The following ZWILCH variants were observed in gnomAD, a reference collection of about 807,000 sequenced individuals.
ZWILCH encodes the protein protein zwilch homolog.
A neutral mutation model predicts 79.9 loss-of-function variants in ZWILCH; 74 were observed. That is an observed-to-expected ratio of 0.93 (90% confidence interval 0.77 to 1.12). ZWILCH has a LOEUF of 1.12. ZWILCH is among the 50% of genes most tolerant of loss of function. The pLI is 0.00. For missense variants in ZWILCH, 694 were observed against 687.5 expected, an observed-to-expected ratio of 1.01 and a Z score of -0.11; for synonymous variants, 241 against 228.2, an observed-to-expected ratio of 1.06 and a Z score of -0.51.
intron 2 of ZWILCH, among the ~76,000 whole-genome samples, chr15:66,511,006 A>C (rs1894040278): frequency 6.6e-6 from 1 of 152,220 alleles, no homozygotes; most frequent in Admixed American, 6.5e-5. Flanking sequence ...CCTTCAAGAT[A>C]CCATTTTTGG....
In ZWILCH at chr15:66,548,420, C is replaced by A; in HGVS notation, c.*96C>A. 2 of 735,488 alleles carry A rather than the reference C, an allele frequency of 2.7e-6. No individual in the cohort carries two copies. The highest frequency in any genetic ancestry group is 2.2e-5 in the South Asian group (1 of 45,684). 45.6% of individuals were successfully genotyped at this position (735,488 alleles called of 1,614,324 possible). A position where few individuals can be genotyped will look rare whatever the true frequency, so the allele number is the denominator to read the frequency against. ...ACCTGAAAACAGCAATGTATGGAAA[C>A]CCTCAAAGCAGAAAAGGGAGGAAGA... On this transcript the variant is annotated 3_prime_UTR_variant, in exon 19 of 19. Transcript: ENST00000307897.
chr15:66,544,719 G>GTTT (rs1555426538), intron 17 of ZWILCH, among the ~76,000 whole-genome samples: 4 of 44,780 alleles, frequency 8.9e-5, no homozygotes, highest in African/African-American at 2.6e-4. Context: ...TTGTTTTTTT[G>GTTT]GTTTTTGTGT....
intron 15 of ZWILCH, 75 bp downstream of exon 15, chr15:66,536,144 T>A: frequency 7.6e-7 from 1 of 1,315,928 alleles, no homozygotes; most frequent in Non-Finnish European, 1.0e-6. Flanking sequence ...ATATGTACAG[T>A]TTTTATTACC....
At chr15:66,525,007 A>G (rs1389538624) in intron 8 of ZWILCH, among the ~76,000 whole-genome samples, 3 of 151,880 alleles carry the variant, frequency 2.0e-5, no homozygotes, top group Non-Finnish European at 4.4e-5. Flanking sequence ...CATCTTTCCA[A>G]CTTCCACCAA....
chr15:66,512,356 T>A (rs1894099433), intron 2 of ZWILCH, among the ~76,000 whole-genome samples: 1 of 151,850 alleles, frequency 6.6e-6, no homozygotes, highest in African/African-American at 2.4e-5. Context: ...ACTCCTGGGC[T>A]CAAGTGATCC....
At chr15:66,537,825 C>G (rs1311686583) in intron 16 of ZWILCH, among the ~76,000 whole-genome samples, 1 of 152,178 alleles carries the variant, frequency 6.6e-6, no homozygotes, top group Non-Finnish European at 1.5e-5. Context: ...CCTCTGAAAC[C>G]TTAATCATCT....
In ZWILCH at chr15:66,514,136, T is replaced by G. The variant is rs1894170850; in HGVS notation, c.201+53T>G. On this transcript the variant is annotated intron_variant, in intron 3 of 18. Coordinates refer to ENST00000307897, the MANE Select transcript of ZWILCH (RefSeq NM_017975.5). ...TTTAATTCTCCATAACCAAATTTGG[T>G]TTCTTGGGAATAATCTAACGTACAC... 4 of 1,332,736 alleles carry G rather than the reference T, an allele frequency of 3.0e-6. No homozygotes were observed. In the Admixed American group the frequency reaches 8.6e-5, roughly 29 times the overall value. The allele number at this position is 1,332,736 out of a possible 1,614,324, so 82.6% of individuals were successfully genotyped here.
rs1292270610 is a variant in ZWILCH at position 66,549,687 on chromosome 15, G to T, written c.*1363G>T. ...TTGCTTGCCGAATGAACAAATATAAGATCTCAAGTATTCTTTTTTCCTTCA... is the reference window on the plus strand; with the variant it reads ...TTGCTTGCCGAATGAACAAATATAATATCTCAAGTATTCTTTTTTCCTTCA... On this transcript the variant is annotated 3_prime_UTR_variant, in exon 19 of 19. Coordinates refer to ENST00000307897, the MANE Select transcript of ZWILCH (RefSeq NM_017975.5). 1 of 165,092 alleles carries T rather than the reference G, an allele frequency of 6.1e-6. No individual in the cohort carries two copies. 10.2% of individuals were successfully genotyped at this position (165,092 alleles called of 1,614,324 possible). A position where few individuals can be genotyped will look rare whatever the true frequency, so the allele number is the denominator to read the frequency against.
intron 16 of ZWILCH, among the ~76,000 whole-genome samples, chr15:66,539,169 C>T (rs1440949811): frequency 6.6e-6 from 1 of 152,060 alleles, no homozygotes; most frequent in Non-Finnish European, 1.5e-5. Context: ...TAGTGCTTAT[C>T]CTCCGCTCAT....
chr15:66,517,480 T>G (rs1435446858), intron 4 of ZWILCH, among the ~76,000 whole-genome samples: 2 of 125,134 alleles, frequency 1.6e-5, no homozygotes, highest in Non-Finnish European at 3.3e-5. Context: ...ATACACCATT[T>G]TAAAAATGAA....
At chr15:66,537,672 C>T (rs1161009800) in intron 16 of ZWILCH, among the ~76,000 whole-genome samples, 2 of 152,030 alleles carry the variant, frequency 1.3e-5, no homozygotes, top group Admixed American at 1.3e-4. Flanking sequence ...GCCTGGGCAA[C>T]AAGAGTGAAA....
At position 66,505,405 on chromosome 15, in the gene ZWILCH, C is replaced by T. The variant is rs1893773293; in HGVS notation, c.53+14C>T. On this transcript the variant is annotated intron_variant, in intron 1 of 18. Coordinates refer to ENST00000307897, the MANE Select transcript of ZWILCH (RefSeq NM_017975.5). ...TCGTCTCCTTCAGTGAGTCTAGTCT[C>T]TTCTTTTGGCTGGGGTCCTGGGACA... is the stretch of plus-strand genomic sequence containing the variant. The T allele has an allele frequency of 1.2e-6, 2 of 1,613,696 alleles. No homozygotes were observed. The highest frequency in any genetic ancestry group is 1.7e-6 in the Non-Finnish European group (2 of 1,179,850).
chr15:66,528,594 A>G (rs1193870194), intron 10 of ZWILCH, among the ~76,000 whole-genome samples: 3 of 132,284 alleles, frequency 2.3e-5, no homozygotes, highest in African/African-American at 8.2e-5. Flanking sequence ...ACGGAGACCA[A>G]GGTAATTTAA....
At chr15:66,510,633 G>C (rs1298395536) in intron 2 of ZWILCH, among the ~76,000 whole-genome samples, 2 of 152,042 alleles carry the variant, frequency 1.3e-5, no homozygotes, top group Non-Finnish European at 2.9e-5. Flanking sequence ...TGCAAATTAG[G>C]CAGCTTCAAA....
chr15:66,535,900 A>T (rs1894999545), intron 14 of ZWILCH, 33 bp from the exon 15 acceptor site: 1 of 1,574,202 alleles, frequency 6.4e-7, no homozygotes, highest in African/African-American at 1.4e-5. Context: ...AGGTGCTTTA[A>T]ATCTCTATTT....
chr15:66,505,346 A>C lies in ZWILCH; in HGVS notation c.8A>C (p.Glu3Ala), dbSNP rs1893767629. Residue 3 changes from glutamate to alanine, a missense_variant, in exon 1 of 19, where the codon GAG becomes GCG. Glu to Ala is a moderately radical substitution (Grantham distance 107). Coordinates refer to ENST00000307897, the MANE Select transcript of ZWILCH (RefSeq NM_017975.5). MW[E>A]RLNCAAEDFY... ...CTCTCACATTGGGGCGGGATGTGGGAGCGGCTGAACTGCGCAGCAGAGGAC... is the reference window on the plus strand; with the variant it reads ...CTCTCACATTGGGGCGGGATGTGGGCGCGGCTGAACTGCGCAGCAGAGGAC... The C allele has an allele frequency of 8.1e-6, 13 of 1,613,826 alleles. No individual in the cohort carries two copies. Among genetic ancestry groups the C allele is most frequent in the Non-Finnish European group, 1.1e-5 (13 of 1,179,992 alleles).
At chr15:66,519,786 C>G (rs551965779) in intron 5 of ZWILCH, among the ~76,000 whole-genome samples, 1 of 152,062 alleles carries the variant, frequency 6.6e-6, no homozygotes, top group Non-Finnish European at 1.5e-5. Context: ...GCCCAACTTC[C>G]ACTTTATTTT....
chr15:66,538,329 C>T (rs1895077663), intron 16 of ZWILCH, among the ~76,000 whole-genome samples: 1 of 151,988 alleles, frequency 6.6e-6, no homozygotes, highest in African/African-American at 2.4e-5. Flanking sequence ...AGATTGTTTT[C>T]TATCTAGCTC....
chr15:66,523,797 CAT>C lies in ZWILCH; in HGVS notation c.819+50_819+51del, dbSNP rs376111046. 923 of 1,420,772 alleles carry C rather than the reference CAT, an allele frequency of 6.5e-4. 3 individuals carry two copies. The African/African-American group carries it at 0.011, about 18-fold the overall frequency. The allele number at this position is 1,420,772 out of a possible 1,614,324, so 88.0% of individuals were successfully genotyped here. A position where few individuals can be genotyped will look rare whatever the true frequency, so the allele number is the denominator to read the frequency against. On this transcript the variant is annotated intron_variant, in intron 8 of 18. Coordinates refer to ENST00000307897, the MANE Select transcript of ZWILCH (RefSeq NM_017975.5). ...TTCCTTAAATCTATGTTTTTATAAA[CAT>C]GTGTGCTATTGTTGTTTTTACTTAG...
Sources: allele counts gnomAD v4.1 joint callset (sites outside exome capture counted in the v4.1 genomes callset), GRCh38; gene constraint gnomAD v4.1.1; transcripts MANE v1.5; gene names NCBI Gene and HGNC (gene_info 2026-07-23, HGNC 2026-07-21).